The following TCF12 variants were observed in gnomAD, a reference collection of about 807,000 sequenced individuals.
TCF12 encodes transcription factor 12.
A neutral mutation model predicts 86.0 loss-of-function variants in TCF12; 45 were observed. The ratio of observed to expected loss-of-function variants is 0.52; its 90% CI spans 0.41 to 0.67. TCF12 has a LOEUF of 0.67. TCF12 is among the 30% of genes least tolerant of loss of function. The pLI, the probability that TCF12 is intolerant of heterozygous loss-of-function variation, is 0.00. For missense variants in TCF12, 881 were observed against 859.9 expected, an observed-to-expected ratio of 1.02 and a Z score of -0.31; for synonymous variants, 330 against 299.6, an observed-to-expected ratio of 1.10 and a Z score of -1.05.
intron 6 of TCF12, among the ~76,000 whole-genome samples, chr15:57,174,966 C>A: frequency 6.6e-6 from 1 of 151,174 alleles, no homozygotes. Context: ...GGGAAGAAAA[C>A]AAAACAAAAA....
At chr15:56,959,806 A>G (rs1348007185) in intron 3 of TCF12, among the ~76,000 whole-genome samples, 3 of 152,188 alleles carry the variant, frequency 2.0e-5, no homozygotes, top group South Asian at 2.1e-4. Flanking sequence ...TTGTTTAGAA[A>G]TTGGTCATGT....
chr15:57,028,202 A>G (rs1363241722), intron 3 of TCF12, among the ~76,000 whole-genome samples: 4 of 152,150 alleles, frequency 2.6e-5, no homozygotes, highest in Non-Finnish European at 4.4e-5. Flanking sequence ...TCCTGACCTC[A>G]GGTGATCTGC....
chr15:57,191,873 G>A (rs531515840), intron 6 of TCF12, among the ~76,000 whole-genome samples: 3 of 151,818 alleles, frequency 2.0e-5, no homozygotes, highest in South Asian at 4.2e-4. Flanking sequence ...GGCAGAGGTC[G>A]CAGTGAGCTG....
chr15:57,152,500 G>T (rs958365255), intron 5 of TCF12, among the ~76,000 whole-genome samples: 4 of 151,426 alleles, frequency 2.6e-5, no homozygotes, highest in Non-Finnish European at 5.9e-5. Flanking sequence ...GGGGAATTTA[G>T]CTGATAGATG....
At chr15:57,234,241 C>A in intron 12 of TCF12, 134 bp downstream of exon 12, 1 of 729,926 alleles carries the variant, frequency 1.4e-6, no homozygotes, top group Non-Finnish European at 2.4e-6. Flanking sequence ...TAGAGTTATT[C>A]TCGGTTTGTA....
intron 4 of TCF12, among the ~76,000 whole-genome samples, chr15:57,078,281 A>G (rs1320709327): frequency 6.6e-6 from 1 of 152,186 alleles, no homozygotes; most frequent in African/African-American, 2.4e-5. Flanking sequence ...AGCAAGTTTA[A>G]CTTGTAATTT....
chr15:57,150,455 C>T (rs2151452202), intron 5 of TCF12, among the ~76,000 whole-genome samples: 1 of 152,262 alleles, frequency 6.6e-6, no homozygotes, highest in South Asian at 2.1e-4. Context: ...TCTTGACCCA[C>T]TGTTAGAAAT....
chr15:57,010,667 G>C (rs2064773665), intron 3 of TCF12, among the ~76,000 whole-genome samples: 4 of 152,086 alleles, frequency 2.6e-5, no homozygotes, highest in Admixed American at 2.6e-4. Context: ...TGCCTAATTT[G>C]CTGAGTATTT....
At chr15:57,219,334 A>G (rs1387423307) in intron 8 of TCF12, 12 of 1,232,622 alleles carry the variant, frequency 9.7e-6, no homozygotes, top group African/African-American at 3.1e-5. Flanking sequence ...GAAAGAGGTT[A>G]CTTACAGCAT....
At chr15:57,005,121 A>G (rs1349809697) in intron 3 of TCF12, among the ~76,000 whole-genome samples, 1 of 152,236 alleles carries the variant, frequency 6.6e-6, no homozygotes. Flanking sequence ...TGTCATTATT[A>G]GAAAAACATT....
chr15:57,028,229 A>T (rs544833697), intron 3 of TCF12, among the ~76,000 whole-genome samples: 2 of 152,110 alleles, frequency 1.3e-5, no homozygotes, highest in Non-Finnish European at 2.9e-5. Flanking sequence ...TGGCCTCTCA[A>T]AGATTATAGG....
chr15:57,260,411 T>C (rs1276337676), intron 16 of TCF12, among the ~76,000 whole-genome samples: 1 of 152,224 alleles, frequency 6.6e-6, no homozygotes, highest in East Asian at 1.9e-4. Flanking sequence ...TTGTCTTACA[T>C]AGCTATAAAA....
chr15:57,062,997 T>G (rs1281434800), intron 3 of TCF12, among the ~76,000 whole-genome samples: 1 of 152,174 alleles, frequency 6.6e-6, no homozygotes, highest in Non-Finnish European at 1.5e-5. Context: ...TGGGGACTGA[T>G]TCGGAGGTGA....
intron 3 of TCF12, 40 bp downstream of exon 3, chr15:56,921,138 G>T: frequency 2.0e-6 from 3 of 1,499,470 alleles, no homozygotes; most frequent in Non-Finnish European, 2.7e-6. Flanking sequence ...TATTTTGGTG[G>T]TGTGATACAT....
At chr15:57,110,613 A>T (rs1317931884) in intron 5 of TCF12, among the ~76,000 whole-genome samples, 1 of 152,208 alleles carries the variant, frequency 6.6e-6, no homozygotes, top group Non-Finnish European at 1.5e-5. Flanking sequence ...AAAATAATGC[A>T]AGAGTAGTAA....
chr15:57,085,635 T>C (rs1301695286), intron 4 of TCF12, among the ~76,000 whole-genome samples: 1 of 152,216 alleles, frequency 6.6e-6, no homozygotes, highest in Admixed American at 6.5e-5. Flanking sequence ...TATAGCGTTA[T>C]TTATCTAGAC....
intron 19 of TCF12, among the ~76,000 whole-genome samples, chr15:57,279,848 G>A (rs531241184): frequency 2.7e-5 from 4 of 149,578 alleles, no homozygotes; most frequent in Admixed American, 2.7e-4. Context: ...TCAGTCTCTC[G>A]GGTCATTATA....
At chr15:57,094,159 A>G (rs533340130) in intron 5 of TCF12, among the ~76,000 whole-genome samples, 8 of 152,192 alleles carry the variant, frequency 5.3e-5, no homozygotes, top group Non-Finnish European at 1.0e-4. Context: ...AAATGTTGCA[A>G]TTATAGGCAT....
chr15:57,257,931 G>C (rs1422242636), intron 16 of TCF12, among the ~76,000 whole-genome samples: 1 of 152,074 alleles, frequency 6.6e-6, no homozygotes, highest in East Asian at 1.9e-4. Context: ...CATTTATTTA[G>C]CGTAAGGCTA....
Sources: allele counts gnomAD v4.1 joint callset (sites outside exome capture counted in the v4.1 genomes callset), GRCh38; gene constraint gnomAD v4.1.1; transcripts MANE v1.5; gene names NCBI Gene and HGNC (gene_info 2026-07-23, HGNC 2026-07-21).